Variants in LCMT1 observed in about 807,000 individuals in gnomAD.
The protein encoded by LCMT1 is leucine carboxyl methyltransferase 1.
A neutral mutation model predicts 47.7 loss-of-function variants in LCMT1; 32 were observed. The observed-to-expected ratio is 0.67, with a 90% CI of 0.51 to 0.90. The LOEUF (loss-of-function observed/expected upper bound fraction) is 0.90, where lower values mean the gene tolerates loss of function less well. LCMT1 is among the 40% of genes least tolerant of loss of function. The pLI, the probability that LCMT1 is intolerant of heterozygous loss-of-function variation, is 0.00. For missense variants in LCMT1, 375 were observed against 415.2 expected, an observed-to-expected ratio of 0.90 and a Z score of 0.84; for synonymous variants, 152 against 149.7, an observed-to-expected ratio of 1.02 and a Z score of -0.11.
rs1332833207 is a variant in LCMT1, at chr16:25,177,924, TC to T, written c.983-76del. On this transcript the variant is annotated intron_variant, in intron 10 of 10. Coordinates refer to ENST00000399069, the MANE Select transcript of LCMT1 (RefSeq NM_016309.3). ...AGTGTGGCTGGTGCCCCTGAGCCGG[TC>T]ACTGGGGGTCCTCTAGGGGCCTCTG... The T allele has an allele frequency of 6.6e-5, 86 of 1,297,980 alleles. 1 individual carries two copies. The highest frequency in any genetic ancestry group is 2.2e-4 in the Admixed American group (13 of 59,260). 80.4% of individuals were successfully genotyped at this position (1,297,980 alleles called of 1,614,324 possible). A position where few individuals can be genotyped will look rare whatever the true frequency, so the allele number is the denominator to read the frequency against.
chr16:25,164,741 T>C, intron 7 of LCMT1, 23 bp downstream of exon 7: 2 of 1,613,880 alleles, frequency 1.2e-6, no homozygotes, highest in East Asian at 2.2e-5. Context: ...ACAGGAGAAC[T>C]GGATTCCATA....
Position 25,113,076 on chromosome 16 carries a change from G to A in LCMT1, c.113+1080G>A, listed in dbSNP as rs1057084273. ...GAATCATTTGAACCCGGGAGGCAGA[G>A]GTTGCAGTGAGCCAAGATCACGCTA... On this transcript the variant is annotated intron_variant, in intron 1 of 10. Transcript: ENST00000399069. Among the ~76,000 whole-genome samples, 7 of 149,528 alleles carry A rather than the reference G, an allele frequency of 4.7e-5. No individual in the cohort carries two copies. In the Admixed American group the frequency reaches 4.7e-4, roughly 10 times the overall value.
chr16:25,151,696 GGTGT>G (rs139504024), intron 5 of LCMT1, 81 bp downstream of exon 5: 100 of 601,928 alleles, frequency 1.7e-4, no homozygotes, highest in Admixed American at 2.8e-4. Context: ...GTTTGTGTTG[GGTGT>G]GTGTGTGTGT....
At chr16:25,138,758 G>A (rs554991935) in intron 3 of LCMT1, among the ~76,000 whole-genome samples, 6 of 152,034 alleles carry the variant, frequency 3.9e-5, no homozygotes, top group African/African-American at 1.2e-4. Flanking sequence ...TTTCCAGCAC[G>A]TTGTGCAGTA....
At chr16:25,121,343 G>A (rs1959980964) in intron 1 of LCMT1, among the ~76,000 whole-genome samples, 1 of 152,092 alleles carries the variant, frequency 6.6e-6, no homozygotes, top group Admixed American at 6.5e-5. Flanking sequence ...CTGGGAGTTG[G>A]AGGTTGCAGT....
chr16:25,166,089 G>GTGAA (rs1961579979), intron 7 of LCMT1, among the ~76,000 whole-genome samples: 1 of 151,584 alleles, frequency 6.6e-6, no homozygotes. Context: ...GGCCAACATG[G>GTGAA]TGAAACCCTG....
chr16:25,175,798 G>C (rs1212519682), intron 10 of LCMT1, among the ~76,000 whole-genome samples: 1 of 152,118 alleles, frequency 6.6e-6, no homozygotes, highest in African/African-American at 2.4e-5. Context: ...ACTAGAGGAT[G>C]ATGTACATGT....
At chr16:25,166,995 T>C (rs1961609040) in intron 7 of LCMT1, among the ~76,000 whole-genome samples, 1 of 152,252 alleles carries the variant, frequency 6.6e-6, no homozygotes, top group Non-Finnish European at 1.5e-5. Context: ...TTTGGATTTG[T>C]ACTGCTGCTT....
intron 1 of LCMT1, among the ~76,000 whole-genome samples, chr16:25,115,268 C>G (rs540851777): frequency 6.6e-6 from 1 of 152,318 alleles, no homozygotes; most frequent in Non-Finnish European, 1.5e-5. Context: ...TCTGCTGTTA[C>G]CTCTTAATTG....
chr16:25,167,835 A>G (rs1961631201), intron 7 of LCMT1, among the ~76,000 whole-genome samples: 2 of 152,056 alleles, frequency 1.3e-5, no homozygotes, highest in African/African-American at 4.8e-5. Context: ...ATCTTGGCTC[A>G]TTGCAACCTC....
rs529553090 is a variant in LCMT1 at position 25,134,647 on chromosome 16, C to G, written c.327+2124C>G. On this transcript the variant is annotated intron_variant, in intron 3 of 10. Transcript: ENST00000399069. The stretch of plus-strand genomic sequence containing the variant: ...AGTCTTACTCACTCTCTCACCCAGG[C>G]TGGAATGCCATGGTGTGATCTTGGC... Among the ~76,000 whole-genome samples, 7 of 152,342 alleles carry G rather than the reference C, an allele frequency of 4.6e-5. No homozygotes were observed. The East Asian group carries it at 9.6e-4, about 21-fold the overall frequency.
chr16:25,170,464 G>T (rs1961722370), intron 8 of LCMT1, among the ~76,000 whole-genome samples: 1 of 152,070 alleles, frequency 6.6e-6, no homozygotes, highest in South Asian at 2.1e-4. Flanking sequence ...GAGGTCTGGT[G>T]TGCTTAAGAG....
Position 25,128,682 on chromosome 16 carries a change from T to C in LCMT1, c.205+116T>C, listed in dbSNP as rs1051441606. The C allele has an allele frequency of 2.9e-5, 21 of 724,514 alleles. 1 individual carries two copies. The highest frequency in any genetic ancestry group is 4.4e-5 in the Non-Finnish European group (19 of 429,750). The allele number at this position is 724,514 out of a possible 1,614,324, so 44.9% of individuals were successfully genotyped here. A position where few individuals can be genotyped will look rare whatever the true frequency, so the allele number is the denominator to read the frequency against. ...TTCCAGCTGTGCGCAAAAGTGCTTA[T>C]TTCCCCAGATCTTCACCAACACGGT... is the stretch of plus-strand genomic sequence containing the variant. On this transcript the variant is annotated intron_variant, in intron 2 of 10. Transcript: ENST00000399069.
intron 5 of LCMT1, among the ~76,000 whole-genome samples, chr16:25,154,813 TGTC>T: frequency 6.6e-6 from 1 of 152,292 alleles, no homozygotes. Context: ...AAAGGTCTGT[TGTC>T]AACTTTTTTT....
intron 7 of LCMT1, among the ~76,000 whole-genome samples, chr16:25,165,554 A>C (rs1961563995): frequency 6.8e-6 from 1 of 147,282 alleles, no homozygotes; most frequent in African/African-American, 2.5e-5. Context: ...TTTCACTCTT[A>C]TTGCCCAGGC....
At chr16:25,146,905 G>A (rs1258753014) in intron 4 of LCMT1, 1 of 152,156 alleles carries the variant, frequency 6.6e-6, no homozygotes, top group African/African-American at 2.4e-5. Flanking sequence ...AGTCAGGCAG[G>A]TGACAAAGTG....
rs878924195 is a variant in LCMT1 at position 25,177,994 on chromosome 16, C to T, written c.983-7C>T. 3 of 1,613,678 alleles carry T rather than the reference C, an allele frequency of 1.9e-6. No individual in the cohort carries two copies. The South Asian group carries it at 3.3e-5, about 18-fold the overall frequency. ...TCCTAATGGTGTCTGTGTGTCTCTC[C>T]CCTCAGGGCTGAAGGAGATAACTTA... On this transcript the variant is annotated splice_polypyrimidine_tract_variant and splice_region_variant and intron_variant, in intron 10 of 10. Coordinates refer to ENST00000399069, the MANE Select transcript of LCMT1 (RefSeq NM_016309.3).
At chr16:25,139,084 T>C (rs1442150243) in intron 3 of LCMT1, among the ~76,000 whole-genome samples, 1 of 152,090 alleles carries the variant, frequency 6.6e-6, no homozygotes, top group African/African-American at 2.4e-5. Flanking sequence ...CTTTTTGTAT[T>C]TTTTGTAGAG....
At chr16:25,133,706 T>C (rs1305613810) in intron 3 of LCMT1, among the ~76,000 whole-genome samples, 1 of 149,584 alleles carries the variant, frequency 6.7e-6, no homozygotes, top group African/African-American at 2.4e-5. Context: ...CTCCTGGGCT[T>C]AGATTTTAAT....
Sources: gnomAD v4.1 joint callset for allele counts (sites outside exome capture counted in the v4.1 genomes callset) on GRCh38, gnomAD v4.1.1 for gene constraint, MANE v1.5 for transcripts, NCBI Gene and HGNC (gene_info 2026-07-23, HGNC 2026-07-21) for gene names.